Variants in PLA2G4A observed in about 807,000 individuals in gnomAD.
PLA2G4A encodes cytosolic phospholipase A2.
In PLA2G4A, 40 loss-of-function variants were observed where a neutral mutation model predicts 81.9. The observed-to-expected ratio is 0.49, with a 90% CI of 0.38 to 0.64. The LOEUF is 0.64. Ranked by LOEUF, PLA2G4A falls within the 30% of genes least tolerant of loss-of-function variation. The probability of loss-of-function intolerance (pLI) is 0.00; values close to 1 mark genes in which losing one functional copy is unlikely to be tolerated. For synonymous variants in PLA2G4A, 302 were observed against 296.9 expected, an observed-to-expected ratio of 1.02 and a Z score of -0.18; for missense variants, 715 against 905.1, an observed-to-expected ratio of 0.79 and a Z score of 2.69.
chr1:186,881,811 A>G (rs1455691003), intron 3 of PLA2G4A, among the ~76,000 whole-genome samples: 1 of 152,058 alleles, frequency 6.6e-6, no homozygotes, highest in Non-Finnish European at 1.5e-5. Context: ...TGTTGTGCCT[A>G]TGATAAAGGT....
intron 15 of PLA2G4A, among the ~76,000 whole-genome samples, chr1:186,976,335 A>T (rs965071322): frequency 1.4e-4 from 22 of 152,046 alleles, no homozygotes; most frequent in Non-Finnish European, 2.6e-4. Flanking sequence ...TTTCCTCTCT[A>T]ATGTTCTTAT....
At chr1:186,961,446 C>T (rs1156544724) in intron 14 of PLA2G4A, among the ~76,000 whole-genome samples, 1 of 151,974 alleles carries the variant, frequency 6.6e-6, no homozygotes, top group African/African-American at 2.4e-5. Flanking sequence ...TCACATTTTA[C>T]CCCATAAATA....
At position 186,952,912 on chromosome 1, in the gene PLA2G4A, T is replaced by C. The variant is rs12567058; in HGVS notation, c.1336+2184T>C. The stretch of plus-strand genomic sequence containing the variant: ...TTTTTAGCACTGAATAATATTACAT[T>C]GTCAGGTTGTGCCACAGTTTAGTTA... On this transcript the variant is annotated intron_variant, in intron 13 of 17. Transcript: ENST00000367466. Among the ~76,000 whole-genome samples, 6 of 152,290 alleles carry C rather than the reference T, an allele frequency of 3.9e-5. No individual in the cohort carries two copies. The East Asian group carries it at 1.2e-3, about 29-fold the overall frequency.
intron 10 of PLA2G4A, among the ~76,000 whole-genome samples, chr1:186,946,060 G>T (rs1252138925): frequency 6.6e-6 from 1 of 152,116 alleles, no homozygotes; most frequent in Non-Finnish European, 1.5e-5. Context: ...ATCCCAGACA[G>T]TCCAGCTCCA....
rs774316554 is a variant in PLA2G4A, at chr1:186,917,014, C to T, written c.558+5625C>T. The stretch of plus-strand genomic sequence containing the variant: ...TCAGAGTCACTTTGCAGGGGTTGTC[C>T]GGGCTCGGTTTTGCCTTCCAGGTTT... On this transcript the variant is annotated intron_variant, in intron 7 of 17. Coordinates refer to ENST00000367466, the MANE Select transcript of PLA2G4A (RefSeq NM_024420.3). Among the ~76,000 whole-genome samples the T allele has an allele frequency of 2.6e-5, 4 of 152,180 alleles. No homozygotes were observed. In the East Asian group the frequency reaches 5.8e-4, roughly 22 times the overall value.
intron 15 of PLA2G4A, among the ~76,000 whole-genome samples, chr1:186,968,394 GTGTGTA>G (rs1451489355): frequency 9.6e-6 from 1 of 104,666 alleles, no homozygotes; most frequent in East Asian, 3.6e-4. Context: ...TCTTTTCGCG[GTGTGTA>G]TGTGTGTGTG....
intron 3 of PLA2G4A, among the ~76,000 whole-genome samples, chr1:186,885,531 G>A (rs1653905350): frequency 6.6e-6 from 1 of 152,078 alleles, no homozygotes; most frequent in South Asian, 2.1e-4. Flanking sequence ...AAAAAGTCTG[G>A]CATTCAGTCA....
intron 3 of PLA2G4A, among the ~76,000 whole-genome samples, chr1:186,870,974 T>C (rs1471166940): frequency 6.6e-6 from 1 of 152,202 alleles, no homozygotes; most frequent in East Asian, 1.9e-4. Flanking sequence ...AAAATGATTT[T>C]CTTGTGACGT....
chr1:186,842,211 TTTTTGTA>T (rs1202440018), intron 1 of PLA2G4A, among the ~76,000 whole-genome samples: 1 of 151,912 alleles, frequency 6.6e-6, no homozygotes, highest in Non-Finnish European at 1.5e-5. Flanking sequence ...CCTGGCTAAT[TTTTTGTA>T]TTTTAGTAGA....
intron 3 of PLA2G4A, among the ~76,000 whole-genome samples, chr1:186,874,273 T>C (rs947636323): frequency 2.6e-5 from 4 of 152,086 alleles, no homozygotes; most frequent in African/African-American, 9.7e-5. Context: ...TCTTTGTGCC[T>C]GTAAGAAACA....
At chr1:186,952,378 A>G (rs1461619225) in intron 13 of PLA2G4A, among the ~76,000 whole-genome samples, 1 of 152,018 alleles carries the variant, frequency 6.6e-6, no homozygotes, top group Non-Finnish European at 1.5e-5. Context: ...TTCGGCTCTT[A>G]GTATTTATTT....
intron 5 of PLA2G4A, among the ~76,000 whole-genome samples, chr1:186,903,968 G>A (rs978520044): frequency 3.9e-5 from 6 of 152,114 alleles, no homozygotes; most frequent in Admixed American, 3.9e-4. Context: ...CTTATTTTCA[G>A]GCACTATGCT....
chr1:186,870,320 G>T, intron 2 of PLA2G4A, 115 bp from the exon 3 acceptor site: 1 of 717,568 alleles, frequency 1.4e-6, no homozygotes, highest in Admixed American at 2.0e-5. Flanking sequence ...ATCAAAGAAT[G>T]TTTCTGGTAT....
intron 7 of PLA2G4A, among the ~76,000 whole-genome samples, chr1:186,931,307 T>C (rs1655736263): frequency 6.6e-6 from 1 of 152,054 alleles, no homozygotes; most frequent in Admixed American, 6.6e-5. Flanking sequence ...GATCCTTCCA[T>C]TGCACTGCAC....
chr1:186,978,569 G>T (rs1016281855), intron 16 of PLA2G4A, among the ~76,000 whole-genome samples: 4 of 152,148 alleles, frequency 2.6e-5, no homozygotes, highest in African/African-American at 9.7e-5. Context: ...CATAGGAGAA[G>T]GTGGAAATCT....
chr1:186,899,581 GGAA>G (rs780605805), intron 5 of PLA2G4A, among the ~76,000 whole-genome samples: 1 of 152,172 alleles, frequency 6.6e-6, no homozygotes, highest in Non-Finnish European at 1.5e-5. Context: ...CATTCATGAA[GGAA>G]GAAGAGGTAC....
At chr1:186,893,808 C>T (rs1293063344) in intron 4 of PLA2G4A, among the ~76,000 whole-genome samples, 2 of 151,284 alleles carry the variant, frequency 1.3e-5, no homozygotes, top group Non-Finnish European at 2.9e-5. Flanking sequence ...CTTGTAATCC[C>T]AGCTACTCAG....
rs111834284 is a variant in PLA2G4A at position 186,937,969 on chromosome 1, C to T, written c.696-1039C>T. Among the ~76,000 whole-genome samples the T allele has an allele frequency of 5.9e-5, 9 of 152,048 alleles. No individual in the cohort carries two copies. In the South Asian group the frequency reaches 1.0e-3, roughly 18 times the overall value. On this transcript the variant is annotated intron_variant, in intron 8 of 17. Coordinates refer to ENST00000367466, the MANE Select transcript of PLA2G4A (RefSeq NM_024420.3). ...AATTAGTTTTCTCCCCTCGAAGGGACGATAACCATTATAGTAGACATTTTG... is the reference window on the plus strand; with the variant it reads ...AATTAGTTTTCTCCCCTCGAAGGGATGATAACCATTATAGTAGACATTTTG...
At chr1:186,869,731 G>A (rs1558382732) in intron 2 of PLA2G4A, among the ~76,000 whole-genome samples, 1 of 152,170 alleles carries the variant, frequency 6.6e-6, no homozygotes, top group Non-Finnish European at 1.5e-5. Flanking sequence ...TTTAGATAAA[G>A]ACCTTGTAAT....
Sources: gnomAD v4.1 joint callset for allele counts (sites outside exome capture counted in the v4.1 genomes callset) on GRCh38, gnomAD v4.1.1 for gene constraint, MANE v1.5 for transcripts, NCBI Gene and HGNC (gene_info 2026-07-23, HGNC 2026-07-21) for gene names.